Variants in MEP1A observed in about 807,000 individuals in gnomAD.
MEP1A encodes the protein N-benzoyl-L-tyrosyl-P-amino-benzoic acid hydrolase subunit alpha.
MEP1A carries 68 observed loss-of-function variants against 84.5 expected under a neutral mutation model. That is an observed-to-expected ratio of 0.80 (90% CI 0.66 to 0.98). The LOEUF (loss-of-function observed/expected upper bound fraction) is 0.98, where lower values mean the gene tolerates loss of function less well. MEP1A is among the 50% of genes least tolerant of loss of function. The pLI, the probability that MEP1A is intolerant of heterozygous loss-of-function variation, is 0.00. For synonymous variants in MEP1A, 337 were observed against 336.8 expected (o/e 1.00, Z -0.01); for missense variants, 887 against 919.9 (o/e 0.96, Z 0.46).
chr6:46,833,087 C>T lies in MEP1A; in HGVS notation c.1158C>T (p.His386=), dbSNP rs751923921. ...KVQTFQGDDD[H]NWKIAHVVLK... Reference sequence around the variant, plus strand: ...CTCTGTCCTCAGGAGATGATGACCACAATTGGAAAATTGCCCATGTGGTGC... The same window carrying T: ...CTCTGTCCTCAGGAGATGATGACCATAATTGGAAAATTGCCCATGTGGTGC... Residue 386 remains histidine (H), a synonymous_variant, in exon 11 of 14, where the codon CAC becomes CAT. Transcript: ENST00000230588. The T allele has an allele frequency of 2.6e-6, 4 of 1,524,512 alleles. No homozygotes were observed. Among genetic ancestry groups the T allele is most frequent in the Non-Finnish European group, 3.5e-6 (4 of 1,139,590 alleles). The allele number at this position is 1,524,512 out of a possible 1,614,324, so 94.4% of individuals were successfully genotyped here.
chr6:46,797,166 C>G (rs536833484), intron 3 of MEP1A, among the ~76,000 whole-genome samples: 3 of 152,332 alleles, frequency 2.0e-5, no homozygotes, highest in Admixed American at 6.5e-5. Context: ...GAATGAGCCA[C>G]AGGCTTTGCC....
At chr6:46,799,241 T>C in intron 5 of MEP1A, 60 bp downstream of exon 5, 1 of 1,148,228 alleles carries the variant, frequency 8.7e-7, no homozygotes, top group Non-Finnish European at 1.3e-6. Flanking sequence ...CCTCTCAGCC[T>C]GTCCATGGGC....
chr6:46,826,134 GTT>G (rs369568027), intron 8 of MEP1A, among the ~76,000 whole-genome samples: 78 of 152,052 alleles, frequency 5.1e-4, no homozygotes, highest in African/African-American at 1.8e-3. Context: ...AATGATTATA[GTT>G]TTTTTTATCT....
At chr6:46,835,030 T>C (rs1768181234) in intron 12 of MEP1A, among the ~76,000 whole-genome samples, 1 of 152,200 alleles carries the variant, frequency 6.6e-6, no homozygotes, top group Non-Finnish European at 1.5e-5. Flanking sequence ...GCTAATTTTA[T>C]GCTTCATTTT....
At chr6:46,840,359 A>T (rs1768311450), downstream of MEP1A, among the ~76,000 whole-genome samples, 1 of 152,190 alleles carries the variant, frequency 6.6e-6, no homozygotes, top group South Asian at 2.1e-4. Flanking sequence ...CTACACCCAG[A>T]GTTTCTGGGT....
rs1408363367 is a variant in MEP1A at position 46,829,386 on chromosome 6, G to C, written c.959G>C (p.Ser320Thr). The C allele has an allele frequency of 6.2e-7, 1 of 1,613,830 alleles. No individual in the cohort carries two copies. The highest frequency in any genetic ancestry group is 1.3e-5 in the African/African-American group (1 of 75,046). Residue 320 changes from serine to threonine, a missense_variant, in exon 10 of 14, where the codon AGC becomes ACC. By Grantham distance (58) the Ser-to-Thr change is moderately conservative. Coordinates refer to ENST00000230588, the MANE Select transcript of MEP1A (RefSeq NM_005588.3). ...GAGYFMQFST[S>T]SGSAEEAALL... ...GGCTACTTCATGCAGTTCAGCACCAGCTCGGGGTCCGCGGAAGAGGCAGCC... is the reference window on the plus strand; with the variant it reads ...GGCTACTTCATGCAGTTCAGCACCACCTCGGGGTCCGCGGAAGAGGCAGCC...
At chr6:46,795,554 C>T (rs1325042548) in intron 3 of MEP1A, among the ~76,000 whole-genome samples, 4 of 152,134 alleles carry the variant, frequency 2.6e-5, no homozygotes, top group Admixed American at 1.3e-4. Flanking sequence ...CCACCTTAGC[C>T]TCCCAAAGTG....
rs1562106701 is a variant in MEP1A, at chr6:46,807,574, AAGGAAGGAAGGAAGG to A, written c.263-1844_263-1830del. 8.7e-4 allele frequency among the ~76,000 whole-genome samples: 54 copies of A among 61,918 alleles called. 1 individual carries two copies. Among genetic ancestry groups the A allele is most frequent in the African/African-American group, 4.5e-3 (52 of 11,634 alleles). 40.6% of individuals were successfully genotyped at this position (61,918 alleles called of 152,430 possible). ...AAAGAAAGAAAGAAAGAAAGGAAGG[AAGGAAGGAAGGAAGG>A]AAGGAAGGAAGGAAGGAAGGAAGGA... On this transcript the variant is annotated intron_variant, in intron 5 of 13. Transcript: ENST00000230588.
intron 3 of MEP1A, among the ~76,000 whole-genome samples, chr6:46,797,336 T>C (rs1767067056): frequency 6.6e-6 from 1 of 152,240 alleles, no homozygotes; most frequent in Admixed American, 6.5e-5. Context: ...ATGAGAGTTA[T>C]GATAAGTGAT....
In MEP1A at chr6:46,825,288, T is replaced by C; in HGVS notation, c.573T>C (p.Phe191=). The C allele has an allele frequency of 6.2e-7, 1 of 1,612,124 alleles. No individual in the cohort carries two copies. Among genetic ancestry groups the C allele is most frequent in the South Asian group, 1.1e-5 (1 of 90,880 alleles). The change falls in exon 8 of 14, where the codon TTT becomes TTC. Residue 191 remains phenylalanine, a synonymous_variant. Transcript: ENST00000230588. The part of the protein sequence containing the change: ...DQILSGYQHN[F]DTYDDSLITD... ...CCCTAACAGGTTACCAGCACAACTTTGACACCTATGATGATAGCTTAATCA... is the reference window on the plus strand; with the variant it reads ...CCCTAACAGGTTACCAGCACAACTTCGACACCTATGATGATAGCTTAATCA...
intron 5 of MEP1A, among the ~76,000 whole-genome samples, chr6:46,807,819 G>GAAAGAAAC: frequency 6.6e-6 from 1 of 150,870 alleles, no homozygotes; most frequent in South Asian, 2.1e-4. Flanking sequence ...AAGAAAGAAA[G>GAAAGAAAC]AAAGAAAGAA....
chr6:46,801,389 T>G (rs1215654054), intron 5 of MEP1A, among the ~76,000 whole-genome samples: 1 of 152,156 alleles, frequency 6.6e-6, no homozygotes, highest in East Asian at 1.9e-4. Context: ...TAGCACATTT[T>G]AGTATGCTAC....
intron 7 of MEP1A, among the ~76,000 whole-genome samples, chr6:46,824,048 C>T (rs3807008): frequency 0.42 from 64,250 of 151,936 alleles, 13,940 homozygotes; most frequent in African/African-American, 0.5. Flanking sequence ...TTCCCTCTGC[C>T]CCTCAGATTT....
At chr6:46,824,589 A>G (rs1283740103) in intron 7 of MEP1A, among the ~76,000 whole-genome samples, 1 of 138,700 alleles carries the variant, frequency 7.2e-6, no homozygotes, top group Non-Finnish European at 1.5e-5. Flanking sequence ...TATATAAATT[A>G]TATATATTAA....
At chr6:46,820,680 C>T (rs1004744228) in intron 7 of MEP1A, among the ~76,000 whole-genome samples, 13 of 152,044 alleles carry the variant, frequency 8.6e-5, no homozygotes, top group Non-Finnish European at 1.3e-4. Flanking sequence ...GAGCCACCAC[C>T]GTGTCCGGCC....
intron 4 of MEP1A, 118 bp downstream of exon 4, chr6:46,798,764 A>C: frequency 4.7e-6 from 4 of 843,022 alleles, no homozygotes; most frequent in Non-Finnish European, 7.9e-6. Flanking sequence ...GAGAAATCTC[A>C]TCTATAATCT....
chr6:46,843,649 C>G (rs1482866196), downstream of MEP1A, among the ~76,000 whole-genome samples: 12 of 152,144 alleles, frequency 7.9e-5, no homozygotes, highest in Non-Finnish European at 1.5e-4. Flanking sequence ...TATTTAACCT[C>G]CCCCAGGGTG....
At chr6:46,822,257 A>G (rs948427320) in intron 7 of MEP1A, among the ~76,000 whole-genome samples, 2 of 152,180 alleles carry the variant, frequency 1.3e-5, no homozygotes, top group Non-Finnish European at 1.5e-5. Flanking sequence ...AGTAGTTACA[A>G]CAGAGAACAT....
At chr6:46,796,663 G>A (rs1395529339) in intron 3 of MEP1A, among the ~76,000 whole-genome samples, 1 of 152,154 alleles carries the variant, frequency 6.6e-6, no homozygotes, top group African/African-American at 2.4e-5. Flanking sequence ...GAACAAATTG[G>A]GTAATGAATA....
Sources: gnomAD v4.1 joint callset for allele counts (sites outside exome capture counted in the v4.1 genomes callset) on GRCh38, gnomAD v4.1.1 for gene constraint, MANE v1.5 for transcripts, NCBI Gene and HGNC (gene_info 2026-07-23, HGNC 2026-07-21) for gene names.